Variants in CHN2 observed in about 807,000 individuals in gnomAD.
The protein encoded by CHN2 is beta-chimaerin.
A neutral mutation model predicts 56.3 loss-of-function variants in CHN2; 35 were observed. That is an observed-to-expected ratio of 0.62 (90% confidence interval 0.47 to 0.82). The LOEUF is 0.82. Ranked by LOEUF, CHN2 falls within the 40% of genes least tolerant of loss-of-function variation. CHN2 has a pLI of 0.00. For missense variants in CHN2, 491 were observed against 580.5 expected (o/e 0.85, Z 1.58); for synonymous variants, 210 against 212.8 (o/e 0.99, Z 0.12).
At chr7:29,280,953 G>A (rs892339848) in intron 1 of CHN2, among the ~76,000 whole-genome samples, 4 of 151,996 alleles carry the variant, frequency 2.6e-5, no homozygotes, top group Non-Finnish European at 4.4e-5. Context: ...AAAATTAGCC[G>A]GGCATGGTGG....
intron 7 of CHN2, among the ~76,000 whole-genome samples, chr7:29,493,014 A>G (rs1043103827): frequency 6.6e-6 from 1 of 152,172 alleles, no homozygotes; most frequent in African/African-American, 2.4e-5. Context: ...ATCATGTGCT[A>G]TATAACAATA....
At position 29,318,692 on chromosome 7, in the gene CHN2, T is replaced by A. The variant is rs149234410; in HGVS notation, c.50-35933T>A. Among the ~76,000 whole-genome samples, 254 of 152,312 alleles carry A rather than the reference T, an allele frequency of 1.7e-3. 2 individuals are homozygous for A. The highest frequency in any genetic ancestry group is 5.6e-3 in the African/African-American group (234 of 41,558). ...TTTACCTTGGCATTTGCAAATTGATTAAGCCAAGAAACTTGTACTAGTTCA... is the reference window on the plus strand; with the variant it reads ...TTTACCTTGGCATTTGCAAATTGATAAAGCCAAGAAACTTGTACTAGTTCA... On this transcript the variant is annotated intron_variant, in intron 1 of 12. Coordinates refer to ENST00000222792, the MANE Select transcript of CHN2 (RefSeq NM_004067.4).
At chr7:29,309,819 C>T (rs1247958122) in intron 1 of CHN2, among the ~76,000 whole-genome samples, 1 of 152,230 alleles carries the variant, frequency 6.6e-6, no homozygotes, top group African/African-American at 2.4e-5. Context: ...GTTGCTGCCT[C>T]ATCTCCTGCA....
intron 1 of CHN2, among the ~76,000 whole-genome samples, chr7:29,333,810 G>T (rs1245747817): frequency 6.6e-6 from 1 of 152,164 alleles, no homozygotes; most frequent in East Asian, 1.9e-4. Context: ...ATCTTTCATA[G>T]TGGTGAGTTC....
chr7:29,444,933 G>A (rs68026739), intron 6 of CHN2, among the ~76,000 whole-genome samples: 1 of 152,170 alleles, frequency 6.6e-6, no homozygotes, highest in South Asian at 2.1e-4. Context: ...GACACTTTAG[G>A]AGGATTACAA....
intron 1 of CHN2, among the ~76,000 whole-genome samples, chr7:29,293,428 C>T (rs546844924): frequency 2.1e-5 from 3 of 143,046 alleles, no homozygotes; most frequent in Non-Finnish European, 3.0e-5. Context: ...GGCTTTTCAG[C>T]CACGCTTGCG....
chr7:29,451,546 T>G (rs775024198), intron 6 of CHN2, among the ~76,000 whole-genome samples: 1 of 151,734 alleles, frequency 6.6e-6, no homozygotes, highest in African/African-American at 2.4e-5. Context: ...GTTTTTAAAA[T>G]AAATTTGTAA....
chr7:29,509,649 C>T (rs977124777), intron 12 of CHN2: 5 of 325,818 alleles, frequency 1.5e-5, no homozygotes, highest in African/African-American at 1.1e-4. Flanking sequence ...TTGAGACCAT[C>T]CTGGCTAACA....
At chr7:29,212,825 A>G in intron 1 of CHN2, 1 of 1,607,960 alleles carries the variant, frequency 6.2e-7, no homozygotes, top group South Asian at 1.1e-5. Context: ...TACCTACCCC[A>G]GCCACTACTC....
At chr7:29,258,237 C>T (rs1789238199) in intron 1 of CHN2, among the ~76,000 whole-genome samples, 1 of 152,130 alleles carries the variant, frequency 6.6e-6, no homozygotes, top group African/African-American at 2.4e-5. Context: ...AGGGATAAAC[C>T]AGGATTATCC....
At chr7:29,376,585 C>G (rs1279536052) in intron 3 of CHN2, 1 of 152,206 alleles carries the variant, frequency 6.6e-6, no homozygotes. Flanking sequence ...GTGAGAACTA[C>G]TGTTCTAAGG....
intron 6 of CHN2, among the ~76,000 whole-genome samples, chr7:29,451,563 A>G (rs1422739899): frequency 6.6e-6 from 1 of 150,666 alleles, no homozygotes; most frequent in Admixed American, 6.6e-5. Flanking sequence ...GTAATTAATT[A>G]CAAATTTATT....
intron 3 of CHN2, among the ~76,000 whole-genome samples, chr7:29,393,362 C>T (rs1054905633): frequency 6.6e-5 from 10 of 152,116 alleles, no homozygotes; most frequent in African/African-American, 2.4e-4. Context: ...TTGTTTTATC[C>T]TTCAGGATGA....
At chr7:29,250,004 T>G (rs1469658924) in intron 1 of CHN2, among the ~76,000 whole-genome samples, 2 of 152,246 alleles carry the variant, frequency 1.3e-5, no homozygotes, top group Non-Finnish European at 2.9e-5. Flanking sequence ...TGAATATATC[T>G]GCATTGCCAA....
At chr7:29,390,563 A>G (rs1801284811) in intron 3 of CHN2, among the ~76,000 whole-genome samples, 1 of 152,226 alleles carries the variant, frequency 6.6e-6, no homozygotes, top group Non-Finnish European at 1.5e-5. Flanking sequence ...TTTAACAAAC[A>G]TAGTTTTCAA....
At chr7:29,174,853 C>G (rs968114741) in intron 2 of CHN2, among the ~76,000 whole-genome samples, 9 of 141,390 alleles carry the variant, frequency 6.4e-5, no homozygotes, top group Non-Finnish European at 9.2e-5. Flanking sequence ...AAGAGCAAAA[C>G]TCCATCTAAA....
intron 1 of CHN2, among the ~76,000 whole-genome samples, chr7:29,201,347 A>G (rs1784143350): frequency 6.6e-6 from 1 of 152,134 alleles, no homozygotes; most frequent in Non-Finnish European, 1.5e-5. Flanking sequence ...TGTGACATTA[A>G]TGCTCCCCCC....
chr7:29,210,972 C>T (rs1027050893), intron 1 of CHN2, among the ~76,000 whole-genome samples: 4 of 151,990 alleles, frequency 2.6e-5, no homozygotes, highest in Admixed American at 2.0e-4. Context: ...CCTCGTAGGC[C>T]GCCCTAAGGA....
intron 1 of CHN2, among the ~76,000 whole-genome samples, chr7:29,225,839 G>A (rs563752589): frequency 1.2e-4 from 18 of 152,276 alleles, no homozygotes; most frequent in South Asian, 1.0e-3. Flanking sequence ...TAGTCACTGA[G>A]CATTACTGTA....
Sources: gnomAD v4.1 joint callset for allele counts (sites outside exome capture counted in the v4.1 genomes callset) on GRCh38, gnomAD v4.1.1 for gene constraint, MANE v1.5 for transcripts, NCBI Gene and HGNC (gene_info 2026-07-23, HGNC 2026-07-21) for gene names.